Variants in ABLIM1 observed in about 807,000 individuals in gnomAD.
ABLIM1 encodes the protein actin binding LIM protein 1.
In ABLIM1, 40 loss-of-function variants were observed where a neutral mutation model predicts 107.0. That is an observed-to-expected ratio of 0.37 (90% CI 0.29 to 0.49). The LOEUF is 0.49. Among genes scored for constraint, ABLIM1 ranks in the 20% least tolerant of loss-of-function variants. ABLIM1 has a pLI of 0.97. For missense variants in ABLIM1, 857 were observed against 1,008.5 expected (o/e 0.85, Z 2.04); for synonymous variants, 357 against 357.3 (o/e 1.00, Z 0.01).
At chr10:114,521,354 T>C (rs879741274) in intron 6 of ABLIM1, among the ~76,000 whole-genome samples, 5 of 152,244 alleles carry the variant, frequency 3.3e-5, no homozygotes, top group Admixed American at 6.5e-5. Flanking sequence ...ACTCAAGCCA[T>C]AGAGTTGATG....
rs55739991 is a variant in ABLIM1, at chr10:114,731,755, G to A, written c.-213+36306C>T. Among the ~76,000 whole-genome samples, 495 of 152,062 alleles carry A rather than the reference G, an allele frequency of 3.3e-3. 2 individuals carry two copies. The highest frequency in any genetic ancestry group is 0.011 in the African/African-American group (477 of 41,494). ...CTCCCAAGTAGCTAGGATTACAGGC[G>A]GGTGCCACCACACCCAGCTAATTTT... On this transcript the variant is annotated intron_variant, in intron 1 of 15. Coordinates refer to the ABLIM1 transcript ENST00000651092.
At chr10:114,684,484 G>A in exon 1 of ABLIM1, 4 of 1,453,062 alleles carry the variant, frequency 2.8e-6, no homozygotes, top group African/African-American at 1.4e-5. Flanking sequence ...CTGGACCCGA[G>A]GGAGGGGTGT....
chr10:114,747,987 C>T (rs918448556), intron 1 of ABLIM1, among the ~76,000 whole-genome samples: 2 of 152,174 alleles, frequency 1.3e-5, no homozygotes, highest in African/African-American at 4.8e-5. Flanking sequence ...TTGCAATGAG[C>T]CAAGATGGGG....
intron 12 of ABLIM1, among the ~76,000 whole-genome samples, chr10:114,454,831 G>A (rs2062501490): frequency 6.6e-6 from 1 of 152,106 alleles, no homozygotes. Context: ...AGTTGTAAGA[G>A]CTCTTTATAT....
chr10:114,445,671 A>G (rs181450661), intron 15 of ABLIM1, among the ~76,000 whole-genome samples: 279 of 152,314 alleles, frequency 1.8e-3, no homozygotes, highest in Non-Finnish European at 2.8e-3. Flanking sequence ...CTCCATTAGA[A>G]CTGGGTTTGC....
intron 2 of ABLIM1, among the ~76,000 whole-genome samples, chr10:114,590,670 C>G (rs1537492): frequency 0.7 from 106,130 of 151,986 alleles, 37,542 homozygotes; most frequent in Middle Eastern, 0.78. Context: ...TAAATACTCT[C>G]TCCTGGAAGG....
At chr10:114,562,399 G>A (rs995169832) in intron 4 of ABLIM1, among the ~76,000 whole-genome samples, 2 of 152,038 alleles carry the variant, frequency 1.3e-5, no homozygotes, top group African/African-American at 4.8e-5. Context: ...CGTGGTGGCG[G>A]GCACCTGTAG....
rs113006708 is a variant in ABLIM1 at position 114,682,655 on chromosome 10, C to G, written c.64+1635G>C. Among the ~76,000 whole-genome samples the G allele has an allele frequency of 7.9e-3, 1,205 of 152,230 alleles. 11 individuals are homozygous for G. The highest frequency in any genetic ancestry group is 0.014 in the Non-Finnish European group (966 of 68,020). On this transcript the variant is annotated intron_variant, in intron 1 of 23. Coordinates refer to the ABLIM1 transcript ENST00000369256. ...TTATGACTGAGCTTCAAGTCAACTG[C>G]TGAGTGTTCTAGAGATACGGTTTCT...
chr10:114,600,954 A>G (rs2075924450), intron 2 of ABLIM1, among the ~76,000 whole-genome samples: 2 of 152,108 alleles, frequency 1.3e-5, no homozygotes, highest in African/African-American at 4.8e-5. Flanking sequence ...AGGCTTGTTA[A>G]TGGAAATCAA....
At chr10:114,625,900 A>G (rs1394775748) in intron 1 of ABLIM1, among the ~76,000 whole-genome samples, 1 of 152,204 alleles carries the variant, frequency 6.6e-6, no homozygotes, top group Non-Finnish European at 1.5e-5. Flanking sequence ...ATGGGTTCGA[A>G]GATTAAAGAC....
At chr10:114,441,113 A>G (rs1370346531) in intron 18 of ABLIM1, 36 bp from the exon 19 acceptor site, 1 of 1,543,442 alleles carries the variant, frequency 6.5e-7, no homozygotes, top group Admixed American at 2.0e-5. Context: ...GGAAATCTCC[A>G]TAGTGATCGT....
intron 4 of ABLIM1, among the ~76,000 whole-genome samples, chr10:114,564,260 C>T (rs900637345): frequency 4.6e-5 from 7 of 151,616 alleles, no homozygotes; most frequent in South Asian, 2.1e-4. Flanking sequence ...TTTCCTCCTG[C>T]GTGGGTTTTT....
At chr10:114,658,515 TCTC>T (rs1158907958), upstream of ABLIM1, among the ~76,000 whole-genome samples, 3 of 152,144 alleles carry the variant, frequency 2.0e-5, no homozygotes, top group Non-Finnish European at 4.4e-5. Context: ...CTAAAAGAAT[TCTC>T]CTGCAAATAC....
At chr10:114,615,571 G>C (rs780441760) in intron 1 of ABLIM1, 2 of 470,594 alleles carry the variant, frequency 4.2e-6, no homozygotes, top group East Asian at 1.2e-4. Context: ...GTATTACCAG[G>C]GTCTGGCACC....
chr10:114,467,574 T>C (rs529236501), intron 11 of ABLIM1, among the ~76,000 whole-genome samples: 14 of 152,218 alleles, frequency 9.2e-5, no homozygotes, highest in East Asian at 1.9e-4. Flanking sequence ...AGTTGGTCAA[T>C]AGAAATTAAT....
chr10:114,508,610 G>T (rs1476103915), intron 6 of ABLIM1, among the ~76,000 whole-genome samples: 1 of 152,116 alleles, frequency 6.6e-6, no homozygotes, highest in East Asian at 1.9e-4. Context: ...GATTGCTTGA[G>T]CCCAGGAGTT....
intron 2 of ABLIM1, among the ~76,000 whole-genome samples, chr10:114,591,690 T>G (rs946534360): frequency 6.6e-6 from 1 of 152,216 alleles, no homozygotes; most frequent in Non-Finnish European, 1.5e-5. Context: ...GCGACCTGGA[T>G]TTAATAATTT....
At chr10:114,546,297 CTTTTTTT>C (rs373431588) in intron 5 of ABLIM1, among the ~76,000 whole-genome samples, 2 of 139,086 alleles carry the variant, frequency 1.4e-5, no homozygotes, top group Non-Finnish European at 3.1e-5. Context: ...TCTTTTCTTT[CTTTTTTT>C]TTTTTTTTGA....
At chr10:114,661,198 T>C (rs1265773679), upstream of ABLIM1, among the ~76,000 whole-genome samples, 2 of 152,212 alleles carry the variant, frequency 1.3e-5, no homozygotes, top group Non-Finnish European at 2.9e-5. Context: ...GCAAACTACA[T>C]ATGGATCATG....
Sources: gnomAD v4.1 joint callset for allele counts (sites outside exome capture counted in the v4.1 genomes callset) on GRCh38, gnomAD v4.1.1 for gene constraint, MANE v1.5 for transcripts, NCBI Gene and HGNC (gene_info 2026-07-23, HGNC 2026-07-21) for gene names.